TULP4: variants seen among roughly 807,000 people sequenced by gnomAD.
The protein encoded by TULP4 is tubby-related protein 4.
TULP4 carries 16 observed loss-of-function variants against 129.0 expected under a neutral mutation model. That is an observed-to-expected ratio of 0.12 (90% CI 0.08 to 0.19). The LOEUF (loss-of-function observed/expected upper bound fraction) is 0.19, where lower values mean the gene tolerates loss of function less well. TULP4 is among the 10% of genes least tolerant of loss of function. The pLI, the probability that TULP4 is intolerant of heterozygous loss-of-function variation, is 1.00. For synonymous variants in TULP4, 998 were observed against 854.0 expected (o/e 1.17, Z -2.94); for missense variants, 1,842 against 2,059.1 (o/e 0.89, Z 2.04).
At chr6:158,356,165 A>G (rs1035377580) in intron 1 of TULP4, among the ~76,000 whole-genome samples, 1 of 152,206 alleles carries the variant, frequency 6.6e-6, no homozygotes, top group Non-Finnish European at 1.5e-5. Flanking sequence ...AGAGAAGTAA[A>G]CATTTGTGAG....
rs187066671 is a variant in TULP4, at chr6:158,444,021, C to T, written c.544-4975C>T. 2.1e-3 allele frequency among the ~76,000 whole-genome samples: 319 copies of T among 151,816 alleles called. 1 individual carries two copies. The highest frequency in any genetic ancestry group is 0.013 in the Admixed American group (196 of 15,246). ...GATCACAAGGTCAGGAGATTGAGAC[C>T]ATCCTGGCTAACACGGTGAAACCCC... On this transcript the variant is annotated intron_variant, in intron 3 of 13. Coordinates refer to ENST00000367097, the MANE Select transcript of TULP4 (RefSeq NM_020245.5).
intron 2 of TULP4, among the ~76,000 whole-genome samples, chr6:158,425,958 T>G (rs1209281412): frequency 6.6e-6 from 1 of 152,260 alleles, no homozygotes; most frequent in Non-Finnish European, 1.5e-5. Context: ...ATTGTGTTTT[T>G]GATTTGCATT....
intron 1 of TULP4, among the ~76,000 whole-genome samples, chr6:158,296,814 G>A (rs1779043136): frequency 1.3e-5 from 2 of 152,110 alleles, no homozygotes; most frequent in South Asian, 4.2e-4. Context: ...ATTTCAAAAG[G>A]GGAGGGAGTG....
chr6:158,482,061 G>A (rs866850019), intron 8 of TULP4, among the ~76,000 whole-genome samples: 2 of 152,214 alleles, frequency 1.3e-5, no homozygotes, highest in Non-Finnish European at 2.9e-5. Flanking sequence ...TGCTCCAGAC[G>A]CTGCCCCGCT....
intron 1 of TULP4, among the ~76,000 whole-genome samples, chr6:158,365,762 C>T (rs182865366): frequency 1.7e-3 from 251 of 151,730 alleles, no homozygotes; most frequent in African/African-American, 5.3e-3. Flanking sequence ...TGAGCTACCG[C>T]GCCCGGCCTG....
chr6:158,238,758 C>G (rs1313794643), intron 1 of TULP4, among the ~76,000 whole-genome samples: 1 of 100,190 alleles, frequency 1.0e-5, no homozygotes, highest in Non-Finnish European at 2.1e-5. Context: ...GGTCACAGAT[C>G]AACAGGATCC....
chr6:158,280,264 C>CA (rs1360616253), upstream of TULP4, among the ~76,000 whole-genome samples: 1 of 152,088 alleles, frequency 6.6e-6, no homozygotes, highest in Non-Finnish European at 1.5e-5. Context: ...GAAGCCATGC[C>CA]AAGTCCATGA....
intron 1 of TULP4, among the ~76,000 whole-genome samples, chr6:158,289,626 G>C (rs942250820): frequency 3.3e-5 from 5 of 152,108 alleles, no homozygotes; most frequent in African/African-American, 1.2e-4. Flanking sequence ...TGTGGTCCAG[G>C]CTGGAGTACG....
At chr6:158,434,498 G>C (rs964986556) in intron 3 of TULP4, among the ~76,000 whole-genome samples, 3 of 152,200 alleles carry the variant, frequency 2.0e-5, no homozygotes, top group African/African-American at 7.2e-5. Context: ...AGCTTTTGCA[G>C]TTCTGGAAAC....
At chr6:158,317,653 A>G (rs557364085) in intron 1 of TULP4, among the ~76,000 whole-genome samples, 6 of 152,304 alleles carry the variant, frequency 3.9e-5, no homozygotes, top group African/African-American at 1.4e-4. Context: ...TTATAGTAGC[A>G]TGATTTTGGG....
At position 158,502,720 on chromosome 6, in the gene TULP4, C is replaced by G. The variant is rs369044012; in HGVS notation, c.3057C>G (p.Pro1019=). ...LQPLAKSKGG[P]GGVVTQLPAR... ...CCCTGGCCAAGTCCAAGGGCGGGCC[C>G]GGGGGGGTGGTGACACAGCTCCCAG... is the stretch of plus-strand genomic sequence containing the variant. Residue 1019 remains proline (P), a synonymous_variant, in exon 13 of 14, where the codon CCC becomes CCG. Coordinates refer to ENST00000367097, the MANE Select transcript of TULP4 (RefSeq NM_020245.5). 2 of 1,565,152 alleles carry G rather than the reference C, an allele frequency of 1.3e-6. No homozygotes were observed. Among genetic ancestry groups the G allele is most frequent in the Admixed American group, 3.5e-5 (2 of 57,164 alleles).
intron 1 of TULP4, among the ~76,000 whole-genome samples, chr6:158,360,644 C>T (rs1233752089): frequency 2.0e-5 from 3 of 152,102 alleles, no homozygotes; most frequent in Admixed American, 2.0e-4. Context: ...GTTTATTTGG[C>T]AGGTAATTGT....
chr6:158,387,709 T>A (rs1777482308), intron 1 of TULP4, among the ~76,000 whole-genome samples: 1 of 152,180 alleles, frequency 6.6e-6, no homozygotes, highest in South Asian at 2.1e-4. Context: ...CTTTTTTTTC[T>A]TAACTTAAAG....
At chr6:158,344,871 G>T (rs1407842957) in intron 1 of TULP4, among the ~76,000 whole-genome samples, 1 of 152,200 alleles carries the variant, frequency 6.6e-6, no homozygotes, top group Non-Finnish European at 1.5e-5. Context: ...CAGGCCTCTT[G>T]AGCCAAACTG....
At chr6:158,257,256 C>T (rs1311980718) in intron 1 of TULP4, among the ~76,000 whole-genome samples, 2 of 152,160 alleles carry the variant, frequency 1.3e-5, no homozygotes, top group African/African-American at 2.4e-5. Context: ...CCCAGACTCA[C>T]CACTCAGGTC....
At chr6:158,396,749 A>G (rs1433881183) in intron 1 of TULP4, among the ~76,000 whole-genome samples, 1 of 152,212 alleles carries the variant, frequency 6.6e-6, no homozygotes, top group Non-Finnish European at 1.5e-5. Flanking sequence ...ATACAGATAC[A>G]TACACATTGT....
At chr6:158,353,517 G>T (rs1227150227) in intron 1 of TULP4, among the ~76,000 whole-genome samples, 1 of 152,054 alleles carries the variant, frequency 6.6e-6, no homozygotes, top group Admixed American at 6.5e-5. Flanking sequence ...ATTTATTACG[G>T]TACTCTTTGT....
intron 1 of TULP4, among the ~76,000 whole-genome samples, chr6:158,339,341 C>T (rs12201779): frequency 0.35 from 53,598 of 151,954 alleles, 9,618 homozygotes; most frequent in South Asian, 0.45. Context: ...AAGGTCAGGG[C>T]GGGATCACAA....
intron 1 of TULP4, among the ~76,000 whole-genome samples, chr6:158,398,827 C>T (rs554427785): frequency 6.6e-6 from 1 of 152,348 alleles, no homozygotes; most frequent in African/African-American, 2.4e-5. Flanking sequence ...TGTGACCTCT[C>T]AGTGTACTGG....
Sources: gnomAD v4.1 joint callset for allele counts (sites outside exome capture counted in the v4.1 genomes callset) on GRCh38, gnomAD v4.1.1 for gene constraint, MANE v1.5 for transcripts, NCBI Gene and HGNC (gene_info 2026-07-23, HGNC 2026-07-21) for gene names.